DPYD: variants seen among roughly 807,000 people sequenced by gnomAD.
DPYD encodes the protein dihydropyrimidine dehydrogenase.
A neutral mutation model predicts 116.2 loss-of-function variants in DPYD; 109 were observed. The observed-to-expected ratio is 0.94, with a 90% CI of 0.80 to 1.10. The LOEUF is 1.10. Ranked by LOEUF, DPYD falls within the 50% of genes least tolerant of loss-of-function variation. DPYD has a pLI of 0.00. For missense variants in DPYD, 1,302 were observed against 1,254.5 expected (o/e 1.04, Z -0.57); for synonymous variants, 440 against 432.0 (o/e 1.02, Z -0.23).
At chr1:97,720,808 G>A in intron 5 of DPYD, 1 of 1,564,510 alleles carries the variant, frequency 6.4e-7, no homozygotes, top group Admixed American at 2.0e-5. Context: ...TCATTTAAAT[G>A]ATACATGGGA....
chr1:97,532,261 T>C (rs1230728242), intron 12 of DPYD, among the ~76,000 whole-genome samples: 1 of 152,146 alleles, frequency 6.6e-6, no homozygotes, highest in Non-Finnish European at 1.5e-5. Context: ...ATCTTTTTAA[T>C]GTACTGTTGA....
intron 8 of DPYD, among the ~76,000 whole-genome samples, chr1:97,656,631 T>A (rs1658917529): frequency 6.6e-6 from 1 of 152,152 alleles, no homozygotes; most frequent in Admixed American, 6.5e-5. Flanking sequence ...CTTTTTTTCC[T>A]TCTGGGCTTA....
chr1:97,380,655 G>C (rs1018744319), intron 15 of DPYD, among the ~76,000 whole-genome samples: 2 of 152,180 alleles, frequency 1.3e-5, no homozygotes, highest in Non-Finnish European at 2.9e-5. Flanking sequence ...AGCTAAACTT[G>C]AAACAGTTGG....
At chr1:97,468,165 T>C (rs943007916) in intron 13 of DPYD, among the ~76,000 whole-genome samples, 4 of 152,234 alleles carry the variant, frequency 2.6e-5, no homozygotes, top group Non-Finnish European at 5.9e-5. Flanking sequence ...AAAATTTGAC[T>C]TCCATATGTA....
At position 97,098,590 on chromosome 1, in the gene DPYD, T is replaced by C. The variant is rs1570450908; in HGVS notation, c.2665A>G (p.Ile889Val). ...FGPYLEQRKK[I>V]IAENKIRLKE... ...AGTCTAATCTTGTTTTCTGCTATGA[T>C]TTTCTTGCGCTGTTCCAGATAAGGT... Residue 889 changes from isoleucine to valine, a missense_variant, in exon 21 of 23, where the codon ATC becomes GTC. Physicochemically the swap from Ile to Val is conservative, Grantham distance 29. Transcript: ENST00000370192. 1.2e-6 allele frequency: 2 copies of C among 1,613,176 alleles called. No individual in the cohort carries two copies. The highest frequency in any genetic ancestry group is 1.7e-6 in the Non-Finnish European group (2 of 1,179,476).
At chr1:97,326,854 C>T (rs10127817) in intron 16 of DPYD, among the ~76,000 whole-genome samples, 33,451 of 151,692 alleles carry the variant, frequency 0.22, 3,943 homozygotes, top group Non-Finnish European at 0.27. Context: ...ACATAAAATA[C>T]GTATAAAACA....
At chr1:97,704,264 G>T (rs948804460) in intron 5 of DPYD, among the ~76,000 whole-genome samples, 2 of 151,944 alleles carry the variant, frequency 1.3e-5, no homozygotes, top group African/African-American at 4.8e-5. Flanking sequence ...AATATTTTGT[G>T]GGTGAATGGG....
intron 20 of DPYD, among the ~76,000 whole-genome samples, chr1:97,127,167 G>T (rs1422365247): frequency 6.6e-6 from 1 of 152,170 alleles, no homozygotes; most frequent in East Asian, 1.9e-4. Context: ...CATATGCAAA[G>T]TCTGGACATT....
At chr1:97,531,213 C>T (rs538648928) in intron 12 of DPYD, among the ~76,000 whole-genome samples, 1 of 152,264 alleles carries the variant, frequency 6.6e-6, no homozygotes, top group South Asian at 2.1e-4. Flanking sequence ...TGAAGCTTTT[C>T]CCATATGCTT....
intron 10 of DPYD, among the ~76,000 whole-genome samples, chr1:97,585,477 G>T (rs1654027649): frequency 6.6e-6 from 1 of 152,028 alleles, no homozygotes; most frequent in Non-Finnish European, 1.5e-5. Context: ...CCAAGGATCT[G>T]TATATGTTTA....
At chr1:97,752,474 T>C (rs1286275652) in intron 3 of DPYD, among the ~76,000 whole-genome samples, 7 of 152,212 alleles carry the variant, frequency 4.6e-5, no homozygotes, top group Non-Finnish European at 8.8e-5. Flanking sequence ...GGTGATCTTT[T>C]TAAAATCCCT....
intron 18 of DPYD, among the ~76,000 whole-genome samples, chr1:97,266,136 T>C (rs972109872): frequency 6.6e-6 from 1 of 152,220 alleles, no homozygotes; most frequent in Non-Finnish European, 1.5e-5. Flanking sequence ...AATTAGCTCA[T>C]AATATTTTTA....
intron 3 of DPYD, among the ~76,000 whole-genome samples, chr1:97,786,979 TG>T (rs1256636951): frequency 6.6e-6 from 1 of 152,222 alleles, no homozygotes; most frequent in Non-Finnish European, 1.5e-5. Context: ...TCATATTTTA[TG>T]CTTTATTTCT....
chr1:97,494,804 G>A (rs990436314), intron 13 of DPYD, among the ~76,000 whole-genome samples: 1 of 151,508 alleles, frequency 6.6e-6, no homozygotes, highest in Admixed American at 6.6e-5. Flanking sequence ...ATAATTTTAA[G>A]ATAAAAGAAA....
At chr1:97,344,524 A>G (rs1669742603) in intron 16 of DPYD, among the ~76,000 whole-genome samples, 1 of 151,800 alleles carries the variant, frequency 6.6e-6, no homozygotes, top group Non-Finnish European at 1.5e-5. Context: ...ATCTTTATAT[A>G]ATACATGTAT....
chr1:97,401,030 CATT>C (rs1673345663), intron 14 of DPYD, among the ~76,000 whole-genome samples: 1 of 151,992 alleles, frequency 6.6e-6, no homozygotes, highest in Admixed American at 6.6e-5. Context: ...AGTGGTACCT[CATT>C]GTTGTTTTAA....
At chr1:97,805,519 T>C (rs764157861) in intron 3 of DPYD, among the ~76,000 whole-genome samples, 9 of 151,862 alleles carry the variant, frequency 5.9e-5, no homozygotes, top group Non-Finnish European at 8.8e-5. Flanking sequence ...AATCCATGAC[T>C]TTGATTACCA....
intron 5 of DPYD, chr1:97,720,727 C>T: frequency 7.0e-7 from 1 of 1,424,242 alleles, no homozygotes; most frequent in Non-Finnish European, 9.2e-7. Context: ...TTGACGGGCA[C>T]TTAATTTGAC....
At chr1:97,424,806 T>C (rs2101709541) in intron 14 of DPYD, among the ~76,000 whole-genome samples, 1 of 152,180 alleles carries the variant, frequency 6.6e-6, no homozygotes, top group South Asian at 2.1e-4. Flanking sequence ...TGAAGGTTAA[T>C]TTTTTCTCAG....
Sources: allele counts gnomAD v4.1 joint callset (sites outside exome capture counted in the v4.1 genomes callset), GRCh38; gene constraint gnomAD v4.1.1; transcripts MANE v1.5; gene names NCBI Gene and HGNC (gene_info 2026-07-23, HGNC 2026-07-21).